RAF1: variants seen among roughly 807,000 people sequenced by gnomAD.
The protein encoded by RAF1 is Raf-1 proto-oncogene, serine/threonine kinase, also known as RAF proto-oncogene serine/threonine-protein kinase.
RAF1 carries 27 observed loss-of-function variants against 81.1 expected under a neutral mutation model. That is an observed-to-expected ratio of 0.33 (90% CI 0.25 to 0.46). RAF1 has a LOEUF of 0.46. RAF1 is among the 20% of genes least tolerant of loss of function. The pLI, the probability that RAF1 is intolerant of heterozygous loss-of-function variation, is 1.00. For missense variants in RAF1, 598 were observed against 826.0 expected (o/e 0.72, Z 3.38); for synonymous variants, 298 against 294.0 (o/e 1.01, Z -0.14).
At chr3:12,661,235 ATTATGT>A (rs1335511838) in intron 1 of RAF1, among the ~76,000 whole-genome samples, 1 of 152,226 alleles carries the variant, frequency 6.6e-6, no homozygotes, top group African/African-American at 2.4e-5. Flanking sequence ...TTTTAGGAAA[ATTATGT>A]TTATGGGGAT....
intron 1 of RAF1, among the ~76,000 whole-genome samples, chr3:12,646,438 G>A (rs2060351158): frequency 6.6e-6 from 1 of 151,964 alleles, no homozygotes; most frequent in Non-Finnish European, 1.5e-5. Flanking sequence ...GCAGTGGCAC[G>A]ATCTCAGCTC....
At chr3:12,639,277 C>G (rs1479901164) in intron 1 of RAF1, among the ~76,000 whole-genome samples, 3 of 152,096 alleles carry the variant, frequency 2.0e-5, no homozygotes, top group Non-Finnish European at 4.4e-5. Flanking sequence ...ACTGAATGGG[C>G]AAAAACTGGA....
intron 8 of RAF1, 76 bp from the exon 8 acceptor site, chr3:12,600,491 G>A (rs1232620797): frequency 4.0e-6 from 6 of 1,494,234 alleles, no homozygotes; most frequent in South Asian, 1.1e-5. Flanking sequence ...AAGAGGAGGA[G>A]GATGTGCAAG....
chr3:12,654,762 A>G (rs1355097564), intron 1 of RAF1, among the ~76,000 whole-genome samples: 1 of 84,182 alleles, frequency 1.2e-5, no homozygotes, highest in African/African-American at 3.6e-5. Flanking sequence ...AATTGTGTAC[A>G]TAATGTATCC....
chr3:12,645,762 G>A (rs957685632), intron 1 of RAF1, among the ~76,000 whole-genome samples: 3 of 151,930 alleles, frequency 2.0e-5, no homozygotes, highest in Admixed American at 6.6e-5. Context: ...TGGGGTGAGG[G>A]GGGTGTCTCA....
At chr3:12,616,628 T>C (rs1012940814) in intron 2 of RAF1, among the ~76,000 whole-genome samples, 3 of 152,184 alleles carry the variant, frequency 2.0e-5, no homozygotes, top group Non-Finnish European at 4.4e-5. Flanking sequence ...GGGAGGCTCC[T>C]TAGGTTCACA....
At chr3:12,600,763 T>C (rs1210663596) in intron 8 of RAF1, among the ~76,000 whole-genome samples, 1 of 152,262 alleles carries the variant, frequency 6.6e-6, no homozygotes, top group Non-Finnish European at 1.5e-5. Flanking sequence ...GGCTTCGCCA[T>C]GTTGGCCAGG....
At chr3:12,590,070 T>C (rs1323169861) in intron 13 of RAF1, 1 of 151,688 alleles carries the variant, frequency 6.6e-6, no homozygotes, top group African/African-American at 2.4e-5. Context: ...ATTATGGGCA[T>C]GAGCCACCGT....
intron 5 of RAF1, 85 bp from the exon 6 acceptor site, chr3:12,606,384 G>A (rs2125407612): frequency 1.0e-6 from 1 of 962,482 alleles, no homozygotes; most frequent in Non-Finnish European, 1.6e-6. Flanking sequence ...TGCAAACTCA[G>A]AGCTACTAAA....
intron 5 of RAF1, among the ~76,000 whole-genome samples, chr3:12,608,054 T>C (rs1257160792): frequency 6.6e-6 from 1 of 151,020 alleles, no homozygotes; most frequent in Admixed American, 6.6e-5. Flanking sequence ...AATCAATACG[T>C]AAGTGACCAT....
intron 1 of RAF1, among the ~76,000 whole-genome samples, chr3:12,628,760 G>GA (rs1272885110): frequency 1.5e-5 from 2 of 136,696 alleles, no homozygotes; most frequent in Admixed American, 1.5e-4. Context: ...TTGGGGGGGG[G>GA]GGGTGGCGGG....
rs146375472 is a variant in RAF1, at chr3:12,612,794, C to A, written c.208-732G>T. ...TAAAATGATAAACTTTTCCTTTATA[C>A]GTCTCTAATTTTGTGTGATTAGAAT... On this transcript the variant is annotated intron_variant, in intron 2 of 17. Coordinates refer to ENST00000442415, the MANE Select transcript of RAF1 (RefSeq NM_001354689.3). Among the ~76,000 whole-genome samples the A allele has an allele frequency of 5.3e-4, 80 of 152,102 alleles. No homozygotes were observed. The East Asian group carries it at 0.013, about 25-fold the overall frequency.
chr3:12,607,973 A>AAAAAG (rs869249193), intron 5 of RAF1, among the ~76,000 whole-genome samples: 1 of 137,700 alleles, frequency 7.3e-6, no homozygotes, highest in Non-Finnish European at 1.6e-5. Flanking sequence ...AAAAAAAAAA[A>AAAAAG]GGGTGGGGGA....
intron 1 of RAF1, among the ~76,000 whole-genome samples, chr3:12,659,878 C>A (rs1403876097): frequency 6.6e-6 from 1 of 152,106 alleles, no homozygotes; most frequent in Non-Finnish European, 1.5e-5. Context: ...CTATTATGAT[C>A]CTAACATGCA....
At chr3:12,600,470 G>C (rs1474956435) in intron 8 of RAF1, 55 bp from the exon 8 acceptor site, 1 of 1,595,474 alleles carries the variant, frequency 6.3e-7, no homozygotes. Context: ...TTTTCTCTGG[G>C]GGAGGGAAAA....
chr3:12,587,837 C>CTTTTTTTT lies in RAF1; in HGVS notation c.1431-208_1431-201dup, dbSNP rs374515740. 18,729 of 193,940 alleles carry CTTTTTTTT rather than the reference C, an allele frequency of 0.097. 2,453 individuals carry two copies. Among genetic ancestry groups the CTTTTTTTT allele is most frequent in the African/African-American group, 0.14 (4,307 of 31,174 alleles). 12.0% of individuals were successfully genotyped at this position (193,940 alleles called of 1,614,324 possible). On this transcript the variant is annotated intron_variant, in intron 13 of 17. Coordinates refer to ENST00000442415, the MANE Select transcript of RAF1 (RefSeq NM_001354689.3). ...GGCCACAGCACAAACATGCTTACAC[C>CTTTTTTTT]TTTTTTTTTTTTTTTTTGGAGACTG...
chr3:12,611,858 A>G, intron 3 of RAF1, 92 bp downstream of exon 3: 2 of 895,398 alleles, frequency 2.2e-6, no homozygotes, highest in Non-Finnish European at 3.8e-6. Flanking sequence ...AATATTCTAT[A>G]GGAAGCTAGT....
chr3:12,618,831 T>C (rs1232023130), intron 1 of RAF1, 84 bp from the exon 2 acceptor site: 4 of 1,112,082 alleles, frequency 3.6e-6, no homozygotes, highest in Non-Finnish European at 4.0e-6. Flanking sequence ...ATTATGAAAA[T>C]AGCACTATGT....
intron 1 of RAF1, among the ~76,000 whole-genome samples, chr3:12,657,514 T>TAA (rs1434128573): frequency 1.3e-5 from 2 of 152,046 alleles, no homozygotes; most frequent in African/African-American, 2.4e-5. Context: ...CTCACACCTG[T>TAA]AAATCCCAGC....
Sources: gnomAD v4.1 joint callset for allele counts (sites outside exome capture counted in the v4.1 genomes callset) on GRCh38, gnomAD v4.1.1 for gene constraint, MANE v1.5 for transcripts, NCBI Gene and HGNC (gene_info 2026-07-23, HGNC 2026-07-21) for gene names.